LSAMP: variants seen among roughly 807,000 people sequenced by gnomAD.
The protein encoded by LSAMP is limbic system-associated membrane protein.
LSAMP carries 7 observed loss-of-function variants against 38.6 expected under a neutral mutation model. The ratio of observed to expected loss-of-function variants is 0.18; its 90% CI spans 0.10 to 0.34. The LOEUF (loss-of-function observed/expected upper bound fraction) is 0.34. Ranked by LOEUF, LSAMP falls within the 10% of genes least tolerant of loss-of-function variation. LSAMP has a pLI of 1.00. For missense variants in LSAMP, 313 were observed against 420.0 expected (o/e 0.75, Z 2.23); for synonymous variants, 154 against 166.8 (o/e 0.92, Z 0.59).
chr3:116,181,327 A>G (rs1461133), intron 1 of LSAMP, among the ~76,000 whole-genome samples: 150,926 of 152,070 alleles, frequency 0.99, 74,907 homozygotes, highest in Middle Eastern at 1. Context: ...CTAGAGTTAC[A>G]CTAACATAGT....
chr3:116,194,599 T>C (rs1011495817), intron 1 of LSAMP, among the ~76,000 whole-genome samples: 1 of 152,164 alleles, frequency 6.6e-6, no homozygotes, highest in Non-Finnish European at 1.5e-5. Flanking sequence ...GGTTTCACCG[T>C]GTTAGCCAGG....
At chr3:116,407,636 TGG>T (rs2048914055) in intron 1 of LSAMP, among the ~76,000 whole-genome samples, 1 of 152,090 alleles carries the variant, frequency 6.6e-6, no homozygotes, top group African/African-American at 2.4e-5. Flanking sequence ...AAGAAATTGT[TGG>T]TTATTGTTCA....
intron 3 of LSAMP, among the ~76,000 whole-genome samples, chr3:115,990,888 GCC>G (rs1287389726): frequency 6.6e-6 from 1 of 151,922 alleles, no homozygotes. Flanking sequence ...GTCTTGGATG[GCC>G]CCAGGAAACT....
intron 3 of LSAMP, among the ~76,000 whole-genome samples, chr3:115,889,103 T>C (rs1936529469): frequency 6.6e-6 from 1 of 151,922 alleles, no homozygotes; most frequent in Non-Finnish European, 1.5e-5. Flanking sequence ...AGCACACATG[T>C]TCCAGTTGGG....
chr3:116,227,508 C>T (rs983134053), intron 1 of LSAMP, among the ~76,000 whole-genome samples: 4 of 152,198 alleles, frequency 2.6e-5, no homozygotes, highest in African/African-American at 9.7e-5. Context: ...GTATAGCTTA[C>T]ATCCAAAGTC....
At chr3:115,907,389 A>G (rs539969440) in intron 3 of LSAMP, among the ~76,000 whole-genome samples, 2 of 152,262 alleles carry the variant, frequency 1.3e-5, no homozygotes, top group African/African-American at 4.8e-5. Flanking sequence ...TGTTTGCCCC[A>G]TTCCACAAGT....
chr3:116,278,497 A>T lies in LSAMP; in HGVS notation c.155+166380T>A, dbSNP rs537703588. Reference sequence around the variant, plus strand: ...CAGTTGGGAGAAATAAACAAGAGAAATGGAAAGCAGAAAAAGCCAGGAGGA... The same window carrying T: ...CAGTTGGGAGAAATAAACAAGAGAATTGGAAAGCAGAAAAAGCCAGGAGGA... On this transcript the variant is annotated intron_variant, in intron 1 of 6. Coordinates refer to ENST00000490035, the MANE Select transcript of LSAMP (RefSeq NM_002338.5). 2.0e-5 allele frequency among the ~76,000 whole-genome samples: 3 copies of T among 152,358 alleles called. No homozygotes were observed. The South Asian group carries it at 6.2e-4, about 32-fold the overall frequency.
intron 1 of LSAMP, among the ~76,000 whole-genome samples, chr3:116,401,632 ATCT>A (rs1424545321): frequency 6.6e-6 from 1 of 152,112 alleles, no homozygotes. Context: ...CTCAAGTGTA[ATCT>A]TCTCTTTCAG....
At position 116,249,135 on chromosome 3, in the gene LSAMP, C is replaced by T. The variant is rs557185512; in HGVS notation, c.156-162579G>A. Among the ~76,000 whole-genome samples the T allele has an allele frequency of 1.1e-4, 12 of 108,044 alleles. 1 individual carries two copies. In the South Asian group the frequency reaches 1.7e-3, roughly 15 times the overall value. 70.9% of individuals were successfully genotyped at this position (108,044 alleles called of 152,430 possible). A position where few individuals can be genotyped will look rare whatever the true frequency, so the allele number is the denominator to read the frequency against. ...CTGCACTCCAGCCTGGGTGACAGAG[C>T]GAGACTCTGTCTCAAAAAAAAAAAA... On this transcript the variant is annotated intron_variant, in intron 1 of 6. Coordinates refer to ENST00000490035, the MANE Select transcript of LSAMP (RefSeq NM_002338.5).
At chr3:116,019,451 A>T in intron 3 of LSAMP, 64 bp downstream of exon 3, 1 of 1,567,982 alleles carries the variant, frequency 6.4e-7, no homozygotes, top group Non-Finnish European at 8.7e-7. Flanking sequence ...ATTCAGCAGA[A>T]TTCCAGGAGC....
intron 1 of LSAMP, among the ~76,000 whole-genome samples, chr3:116,278,873 T>A (rs77709347): frequency 0.031 from 4,724 of 152,298 alleles, 246 homozygotes; most frequent in African/African-American, 0.1. Context: ...CTCATCTGTC[T>A]CAAAGAAGAT....
chr3:116,442,796 T>C (rs940054589), intron 1 of LSAMP, among the ~76,000 whole-genome samples: 1 of 152,232 alleles, frequency 6.6e-6, no homozygotes, highest in African/African-American at 2.4e-5. Flanking sequence ...TCAGAGTCCC[T>C]ATTTCCACAC....
intron 1 of LSAMP, among the ~76,000 whole-genome samples, chr3:116,223,899 C>T (rs941587809): frequency 5.3e-5 from 8 of 152,126 alleles, no homozygotes; most frequent in Non-Finnish European, 1.0e-4. Flanking sequence ...ATTGCTGATA[C>T]TTTCACAGCT....
intron 3 of LSAMP, among the ~76,000 whole-genome samples, chr3:115,880,946 G>A (rs978628422): frequency 2.6e-5 from 4 of 151,994 alleles, no homozygotes; most frequent in African/African-American, 7.3e-5. Context: ...GCTGAGGCAT[G>A]AGAATCCATT....
At chr3:115,942,813 C>A (rs912907189) in intron 3 of LSAMP, among the ~76,000 whole-genome samples, 4 of 152,114 alleles carry the variant, frequency 2.6e-5, no homozygotes, top group Admixed American at 6.6e-5. Flanking sequence ...TGGATAAAAA[C>A]CTATCTTGAA....
chr3:116,248,520 T>A (rs1298633057), intron 1 of LSAMP, among the ~76,000 whole-genome samples: 2 of 151,412 alleles, frequency 1.3e-5, no homozygotes, highest in Non-Finnish European at 2.9e-5. Flanking sequence ...TGTGTGTGTG[T>A]GTGTGTGTGT....
chr3:116,217,800 CA>C (rs2046238856), intron 1 of LSAMP, among the ~76,000 whole-genome samples: 2 of 152,256 alleles, frequency 1.3e-5, no homozygotes, highest in South Asian at 4.1e-4. Context: ...TTTTGTTCCC[CA>C]TCTCTGTAGC....
intron 1 of LSAMP, among the ~76,000 whole-genome samples, chr3:116,422,937 C>G (rs1303378892): frequency 6.6e-6 from 1 of 152,124 alleles, no homozygotes; most frequent in Non-Finnish European, 1.5e-5. Flanking sequence ...CTGTAACTAT[C>G]TTATTTATGT....
At chr3:116,292,628 T>C (rs1576487414) in intron 1 of LSAMP, among the ~76,000 whole-genome samples, 1 of 152,158 alleles carries the variant, frequency 6.6e-6, no homozygotes, top group East Asian at 1.9e-4. Flanking sequence ...TACGATTTTG[T>C]TTATAGATCT....
Sources: gnomAD v4.1 joint callset for allele counts (sites outside exome capture counted in the v4.1 genomes callset) on GRCh38, gnomAD v4.1.1 for gene constraint, MANE v1.5 for transcripts, NCBI Gene and HGNC (gene_info 2026-07-23, HGNC 2026-07-21) for gene names.